Variants in SUMF1 observed in about 807,000 individuals in gnomAD.
SUMF1 encodes the protein sulfatase modifying factor 1, also known as formylglycine-generating enzyme.
In SUMF1, 48 loss-of-function variants were observed where a neutral mutation model predicts 47.6. That is an observed-to-expected ratio of 1.01 (90% CI 0.80 to 1.28). The LOEUF is 1.28. Among genes scored for constraint, SUMF1 ranks in the 50% most tolerant of loss-of-function variants. The pLI, the probability that SUMF1 is intolerant of heterozygous loss-of-function variation, is 0.00. For synonymous variants in SUMF1, 230 were observed against 192.1 expected, an observed-to-expected ratio of 1.20 and a Z score of -1.63; for missense variants, 571 against 485.4, an observed-to-expected ratio of 1.18 and a Z score of -1.66.
intron 8 of SUMF1, among the ~76,000 whole-genome samples, chr3:4,294,879 T>C (rs965982243): frequency 8.5e-6 from 1 of 117,160 alleles, no homozygotes; most frequent in Non-Finnish European, 1.9e-5. Context: ...GGACTAACTA[T>C]ATGTGTGAGG....
chr3:4,169,806 T>C (rs943216772), intron 8 of SUMF1, among the ~76,000 whole-genome samples: 2 of 152,134 alleles, frequency 1.3e-5, no homozygotes, highest in Non-Finnish European at 2.9e-5. Flanking sequence ...AAATAAACAG[T>C]ATAGTATCAG....
chr3:4,462,334 GTTATCTTATCAGTAGGAGAAGGGACA>G (rs1219687811), intron 1 of SUMF1, among the ~76,000 whole-genome samples: 2 of 152,212 alleles, frequency 1.3e-5, no homozygotes, highest in African/African-American at 4.8e-5. Context: ...TTCTCTTCTA[GTTATCTTATCAGTAGGAGAAGGGACA>G]TTACCTGACA....
chr3:4,402,659 G>C (rs935226830), intron 7 of SUMF1, among the ~76,000 whole-genome samples: 1 of 152,100 alleles, frequency 6.6e-6, no homozygotes, highest in Non-Finnish European at 1.5e-5. Context: ...GGAAGGGAAA[G>C]CGACCACCAT....
chr3:4,279,015 G>A (rs1338984957), intron 8 of SUMF1, among the ~76,000 whole-genome samples: 2 of 152,010 alleles, frequency 1.3e-5, no homozygotes, highest in African/African-American at 4.8e-5. Flanking sequence ...ATGATAATTT[G>A]TGTTTACTGT....
At chr3:4,201,757 C>A (rs978975365) in intron 8 of SUMF1, among the ~76,000 whole-genome samples, 1 of 152,016 alleles carries the variant, frequency 6.6e-6, no homozygotes, top group Non-Finnish European at 1.5e-5. Flanking sequence ...TACATTCCAA[C>A]CAACAGTACG....
intron 8 of SUMF1, among the ~76,000 whole-genome samples, chr3:4,340,990 T>C (rs528062383): frequency 3.3e-5 from 5 of 152,162 alleles, no homozygotes; most frequent in Non-Finnish European, 4.4e-5. Flanking sequence ...TTCCACACAA[T>C]ATCCTTTGTG....
chr3:4,105,117 A>C (rs1404457110), intron 8 of SUMF1, among the ~76,000 whole-genome samples: 1 of 152,168 alleles, frequency 6.6e-6, no homozygotes, highest in African/African-American at 2.4e-5. Flanking sequence ...TGATAAGTGA[A>C]ATAAGCCAAG....
intron 8 of SUMF1, among the ~76,000 whole-genome samples, chr3:4,203,974 T>A (rs1358413769): frequency 6.6e-6 from 1 of 152,052 alleles, no homozygotes; most frequent in African/African-American, 2.4e-5. Context: ...TTTTGATAAG[T>A]CCATCCTTTA....
chr3:4,237,790 T>A (rs1208519484), intron 8 of SUMF1, among the ~76,000 whole-genome samples: 1 of 151,336 alleles, frequency 6.6e-6, no homozygotes, highest in African/African-American at 2.4e-5. Flanking sequence ...TATAGCCCAT[T>A]TTTTAAATAC....
chr3:4,448,125 A>G (rs1210659847), intron 3 of SUMF1, among the ~76,000 whole-genome samples: 1 of 152,206 alleles, frequency 6.6e-6, no homozygotes, highest in African/African-American at 2.4e-5. Flanking sequence ...TGAAATTCGA[A>G]TGGAGCTCAA....
chr3:4,330,828 AC>A (rs1699035251), intron 8 of SUMF1, among the ~76,000 whole-genome samples: 1 of 152,220 alleles, frequency 6.6e-6, no homozygotes, highest in Admixed American at 6.5e-5. Flanking sequence ...TTTTAGTAAA[AC>A]ATTGTCAACA....
At chr3:4,387,778 C>T (rs1700721495) in intron 7 of SUMF1, among the ~76,000 whole-genome samples, 1 of 151,994 alleles carries the variant, frequency 6.6e-6, no homozygotes, top group Non-Finnish European at 1.5e-5. Flanking sequence ...GTTTCATTTT[C>T]ATTCAGTTCA....
chr3:4,313,773 C>A, intron 8 of SUMF1: 1 of 1,613,816 alleles, frequency 6.2e-7, no homozygotes, highest in South Asian at 1.1e-5. Context: ...TGAGTCTGTT[C>A]AGTGATAAGC....
intron 9 of SUMF1, among the ~76,000 whole-genome samples, chr3:4,062,393 G>C (rs1695291716): frequency 1.3e-5 from 2 of 152,102 alleles, no homozygotes; most frequent in African/African-American, 2.4e-5. Context: ...GTCACACCAG[G>C]TGTAACACAA....
chr3:4,456,715 T>C (rs570157664), intron 1 of SUMF1, among the ~76,000 whole-genome samples: 28 of 137,674 alleles, frequency 2.0e-4, no homozygotes, highest in South Asian at 1.7e-3. Context: ...CGTATATATA[T>C]ACATATATAT....
At chr3:4,367,125 C>T (rs911428378) in intron 8 of SUMF1, among the ~76,000 whole-genome samples, 16 of 151,840 alleles carry the variant, frequency 1.1e-4, no homozygotes, top group Non-Finnish European at 1.9e-4. Context: ...CAGTCTGCCC[C>T]TACTGGGGGG....
chr3:4,427,277 G>A (rs935287352), intron 3 of SUMF1, among the ~76,000 whole-genome samples: 1 of 152,142 alleles, frequency 6.6e-6, no homozygotes, highest in Non-Finnish European at 1.5e-5. Context: ...TTCTTGAAAC[G>A]TAGTATAAAC....
chr3:4,337,845 C>T (rs1699186882), intron 8 of SUMF1, among the ~76,000 whole-genome samples: 1 of 149,442 alleles, frequency 6.7e-6, no homozygotes, highest in African/African-American at 2.5e-5. Context: ...TCTGTATCTC[C>T]TACCCAACTC....
At chr3:4,201,404 T>C (rs1695537436) in intron 8 of SUMF1, among the ~76,000 whole-genome samples, 1 of 152,140 alleles carries the variant, frequency 6.6e-6, no homozygotes, top group Admixed American at 6.6e-5. Context: ...AGTTGGTTTT[T>C]CCATGCCTGT....
Sources: gnomAD v4.1 joint callset for allele counts (sites outside exome capture counted in the v4.1 genomes callset) on GRCh38, gnomAD v4.1.1 for gene constraint, MANE v1.5 for transcripts, NCBI Gene and HGNC (gene_info 2026-07-23, HGNC 2026-07-21) for gene names.